The following SETX variants were observed in gnomAD, a reference collection of about 807,000 sequenced individuals.
SETX encodes helicase senataxin.
In SETX, 90 loss-of-function variants were observed where a neutral mutation model predicts 227.2. That is an observed-to-expected ratio of 0.40 (90% CI 0.33 to 0.47). SETX has a LOEUF of 0.47. SETX is among the 20% of genes least tolerant of loss of function. The pLI, the probability that SETX is intolerant of heterozygous loss-of-function variation, is 0.91. For synonymous variants in SETX, 1,210 were observed against 1,113.2 expected (o/e 1.09, Z -1.73); for missense variants, 3,052 against 3,181.5 (o/e 0.96, Z 0.98).
rs781393200 is a variant in SETX, at chr9:132,328,411, T to C, written c.3187A>G (p.Lys1063Glu). The C allele has an allele frequency of 4.1e-5, 66 of 1,613,864 alleles. No individual in the cohort carries two copies. Among genetic ancestry groups the C allele is most frequent in the Non-Finnish European group, 5.3e-5 (62 of 1,180,000 alleles). ...AAAAGAGTCTCTGTCTTTTCTTCCT[T>C]TACTGGATTCTTTTCCTCCTTACTA... ...VNSKEEKNPV[K>E]EEKTETLFQF... The change falls in exon 10 of 26, where the codon AAG becomes GAG. Residue 1063 changes from lysine to glutamate, a missense_variant. Transcript: ENST00000224140.
intron 5 of SETX, among the ~76,000 whole-genome samples, chr9:132,341,668 GC>G (rs1200525414): frequency 6.6e-6 from 1 of 152,154 alleles, no homozygotes; most frequent in Non-Finnish European, 1.5e-5. Flanking sequence ...CTTTTAAAAA[GC>G]CAGTGAACCT....
Position 132,264,711 on chromosome 9 carries a change from G to A in SETX, c.7562C>T (p.Thr2521Ile), listed in dbSNP as rs760854140. 2.5e-6 allele frequency: 4 copies of A among 1,614,186 alleles called. No individual in the cohort carries two copies. The highest frequency in any genetic ancestry group is 3.4e-6 in the Non-Finnish European group (4 of 1,180,016). Residue 2521 changes from threonine to isoleucine, a missense_variant, in exon 26 of 26, where the codon ACT becomes ATT. Thr to Ile is a moderately conservative substitution (Grantham distance 89). Transcript: ENST00000224140. ...TCTTTCAGGGTCCTTTGAAGTAACA[G>A]TAAGAGTAATTTCCTTGGAGTCAGA... ...TPSDSKEITL[T>I]VTSKDPERPP...
intron 11 of SETX, among the ~76,000 whole-genome samples, chr9:132,305,431 AG>A (rs1845279140): frequency 6.6e-6 from 1 of 151,914 alleles, no homozygotes; most frequent in African/African-American, 2.4e-5. Flanking sequence ...TTTTTTAAAA[AG>A]GACAAGAAAC....
intron 15 of SETX, among the ~76,000 whole-genome samples, chr9:132,293,458 GT>G (rs897618883): frequency 6.6e-6 from 1 of 152,092 alleles, no homozygotes; most frequent in Non-Finnish European, 1.5e-5. Flanking sequence ...TTTCACTCTT[GT>G]TGCCCAGGCT....
At chr9:132,348,547 G>C (rs191217353) in intron 3 of SETX, among the ~76,000 whole-genome samples, 1 of 152,028 alleles carries the variant, frequency 6.6e-6, no homozygotes, top group Non-Finnish European at 1.5e-5. Flanking sequence ...ATAAAATTCT[G>C]ATCCAGGTTT....
intron 11 of SETX, among the ~76,000 whole-genome samples, chr9:132,308,946 C>T (rs1461007327): frequency 6.6e-6 from 1 of 152,100 alleles, no homozygotes; most frequent in Admixed American, 6.6e-5. Flanking sequence ...TCAGACCAGC[C>T]TGGCCAATAG....
intron 6 of SETX, among the ~76,000 whole-genome samples, chr9:132,335,200 C>T (rs954102293): frequency 2.1e-4 from 32 of 151,554 alleles, no homozygotes; most frequent in African/African-American, 6.5e-4. Context: ...ACCATCCTGG[C>T]TAACATGGTG....
At chr9:132,303,596 A>C (rs1845154907) in intron 11 of SETX, among the ~76,000 whole-genome samples, 1 of 151,892 alleles carries the variant, frequency 6.6e-6, no homozygotes, top group Admixed American at 6.6e-5. Context: ...ATTAGGAGTA[A>C]ATATTTTCAA....
At position 132,264,950 on chromosome 9, in the gene SETX, A is replaced by G. The variant is rs575402899; in HGVS notation, c.7323T>C (p.Ala2441=). 1.2e-6 allele frequency: 2 copies of G among 1,614,112 alleles called. No individual in the cohort carries two copies. Among genetic ancestry groups the G allele is most frequent in the Non-Finnish European group, 1.7e-6 (2 of 1,180,026 alleles). The change falls in exon 26 of 26, where the codon GCT becomes GCC. Residue 2441 remains alanine (A), a synonymous_variant. Transcript: ENST00000224140. ...TCTTAATAATGGCACCACGCTTCTGAGCATCCTGAATCAGCTGATTCCAAT... is the reference window on the plus strand; with the variant it reads ...TCTTAATAATGGCACCACGCTTCTGGGCATCCTGAATCAGCTGATTCCAAT... ...NQHWNQLIQD[A]QKRGAIIKTC... is the part of the protein sequence containing the mutation.
intron 11 of SETX, among the ~76,000 whole-genome samples, chr9:132,309,698 A>G (rs537759402): frequency 1.8e-3 from 281 of 151,932 alleles, no homozygotes; most frequent in Middle Eastern, 6.8e-3. Flanking sequence ...GAAAAAAAAA[A>G]GGGGGAACAT....
At chr9:132,282,142 G>A (rs528485230) in intron 19 of SETX, among the ~76,000 whole-genome samples, 28 of 150,218 alleles carry the variant, frequency 1.9e-4, no homozygotes, top group African/African-American at 6.4e-4. Context: ...AGCCACCAAC[G>A]GGGCCACTAC....
At position 132,328,644 on chromosome 9, in the gene SETX, G is replaced by A. The variant is rs557074957; in HGVS notation, c.2954C>T (p.Ser985Leu). The change falls in exon 10 of 26, where the codon TCG becomes TTG. Residue 985 changes from serine (S) to leucine (L), a missense_variant. By Grantham distance (145) the Ser-to-Leu change is moderately radical. Transcript: ENST00000224140. ...TTCTTTTACTTTCCTTTGCAGCTGC[G>A]ATGAGTTCTGAGGTGAATCGGATGG... ...TFPSDSPQNS[S>L]QLQRKVKEDK... 5.5e-5 allele frequency: 88 copies of A among 1,613,142 alleles called. 1 individual carries two copies. The East Asian group carries it at 5.6e-4, about 10-fold the overall frequency.
intron 6 of SETX, among the ~76,000 whole-genome samples, chr9:132,335,527 G>A (rs1381901895): frequency 1.3e-5 from 2 of 150,006 alleles, no homozygotes; most frequent in African/African-American, 4.9e-5. Context: ...ACCCAGGCTG[G>A]AGTGCAGTAG....
rs1193881540 is a variant in SETX at position 132,324,746 on chromosome 9, ATATC to A, written c.5274+1574_5274+1577del. ...CACTTGGCACATACTAGGCACTCAAATATCTATCAAGCTAATGAACCATGACTAT... is the reference window on the plus strand; with the variant it reads ...CACTTGGCACATACTAGGCACTCAAATATCAAGCTAATGAACCATGACTAT... On this transcript the variant is annotated intron_variant, in intron 10 of 25. Transcript: ENST00000224140. Among the ~76,000 whole-genome samples the A allele has an allele frequency of 3.3e-5, 5 of 152,154 alleles. No individual in the cohort carries two copies. The East Asian group carries it at 9.6e-4, about 29-fold the overall frequency.
Position 132,301,027 on chromosome 9 carries a change from T to C in SETX, c.5375-224A>G, listed in dbSNP as rs116514878. Among the ~76,000 whole-genome samples, 939 of 151,120 alleles carry C rather than the reference T, an allele frequency of 6.2e-3. 7 individuals are homozygous for C. The highest frequency in any genetic ancestry group is 0.021 in the African/African-American group (871 of 41,316). On this transcript the variant is annotated intron_variant, in intron 11 of 25. Coordinates refer to ENST00000224140, the MANE Select transcript of SETX (RefSeq NM_015046.7). ...CTTCAAAACTGCTATAAGGCCAAAA[T>C]AGACAAAACTATAATATTGAAAAGT...
At position 132,278,327 on chromosome 9, in the gene SETX, A is replaced by C. The variant is rs536247716; in HGVS notation, c.6655-70T>G. 3 of 1,495,556 alleles carry C rather than the reference A, an allele frequency of 2.0e-6. No individual in the cohort carries two copies. In the Admixed American group the frequency reaches 5.0e-5, roughly 25 times the overall value. The allele number at this position is 1,495,556 out of a possible 1,614,324, so 92.6% of individuals were successfully genotyped here. On this transcript the variant is annotated intron_variant, in intron 20 of 25. Transcript: ENST00000224140. ...TATCTTTCCCACTATTATAAACACA[A>C]TTACTGAGATCTAATACGTATATGG...
At chr9:132,324,571 T>C (rs182163378) in intron 10 of SETX, among the ~76,000 whole-genome samples, 1 of 152,320 alleles carries the variant, frequency 6.6e-6, no homozygotes, top group African/African-American at 2.4e-5. Context: ...CATCTGCTCA[T>C]AGAGGTTATC....
In SETX at chr9:132,293,671, T is replaced by C. The variant is rs1367816161; in HGVS notation, c.6106+2201A>G. 2.6e-5 allele frequency among the ~76,000 whole-genome samples: 4 copies of C among 152,176 alleles called. No individual in the cohort carries two copies. The East Asian group carries it at 7.8e-4, about 30-fold the overall frequency. ...CTGACCTCAGGTGATCCATCCACCT[T>C]GGCCTCCCAAAGTGCTGGGATTATA... On this transcript the variant is annotated intron_variant, in intron 15 of 25. Transcript: ENST00000224140.
In SETX at chr9:132,327,975, G is replaced by T; in HGVS notation, c.3623C>A (p.Pro1208His). The change falls in exon 10 of 26, where the codon CCC (proline) becomes CAC (histidine). Residue 1208 changes from proline to histidine, a missense_variant. Physicochemically the swap from Pro to His is moderately conservative, Grantham distance 77 (BLOSUM62 -2). This residue lies in a region of SETX where 1,483 missense variants were observed against 1,312.0 expected (regional missense o/e 1.13). Transcript: ENST00000224140. ...FKSIDRRTST[P>H]NSRIQRATTV... ...AGTGGCTCTCTGAATACGTGAATTG[G>T]GAGTTGAAGTCCTTCTATCAATACT... 6.2e-7 allele frequency: 1 copy of T among 1,613,844 alleles called. No individual in the cohort carries two copies. The highest frequency in any genetic ancestry group is 8.5e-7 in the Non-Finnish European group (1 of 1,179,944).
Sources: allele counts gnomAD v4.1 joint callset (sites outside exome capture counted in the v4.1 genomes callset), GRCh38; gene constraint gnomAD v4.1.1; regional missense constraint gnomAD v4.1.1; transcripts MANE v1.5; gene names NCBI Gene and HGNC (gene_info 2026-07-23, HGNC 2026-07-21).